Variants in LIN54 observed in about 807,000 individuals in gnomAD.
LIN54 encodes the protein protein lin-54 homolog.
LIN54 carries 9 observed loss-of-function variants against 78.7 expected under a neutral mutation model. The ratio of observed to expected loss-of-function variants is 0.11; its 90% CI spans 0.07 to 0.20. The LOEUF (loss-of-function observed/expected upper bound fraction) is 0.20. Ranked by LOEUF, LIN54 falls within the 10% of genes least tolerant of loss-of-function variation. LIN54 has a pLI of 1.00. For missense variants in LIN54, 573 were observed against 889.9 expected (o/e 0.64, Z 4.53); for synonymous variants, 269 against 318.4 (o/e 0.84, Z 1.65).
intron 4 of LIN54, among the ~76,000 whole-genome samples, chr4:82,961,915 C>T (rs1724829719): frequency 6.6e-6 from 1 of 150,654 alleles, no homozygotes; most frequent in Non-Finnish European, 1.5e-5. Flanking sequence ...AAGATGGCAC[C>T]ACTGCACTCC....
intron 8 of LIN54, 47 bp from the exon 9 acceptor site, chr4:82,937,345 CTA>C (rs763429069): frequency 8.2e-7 from 1 of 1,215,542 alleles, no homozygotes; most frequent in Non-Finnish European, 1.1e-6. Flanking sequence ...TTAATAGTAA[CTA>C]AAATTAATTT....
At chr4:83,004,343 G>A (rs546075252) in intron 1 of LIN54, among the ~76,000 whole-genome samples, 1 of 141,796 alleles carries the variant, frequency 7.1e-6, no homozygotes, top group East Asian at 2.1e-4. Flanking sequence ...AGGTTGCAGT[G>A]AGCCAAGATC....
intron 1 of LIN54, among the ~76,000 whole-genome samples, chr4:82,987,243 A>G (rs112113850): frequency 0.02 from 3,049 of 152,288 alleles, 104 homozygotes; most frequent in African/African-American, 0.069. Flanking sequence ...GTGAGCCAAG[A>G]TCGTGCCACT....
intron 4 of LIN54, among the ~76,000 whole-genome samples, chr4:82,964,994 G>A (rs974344215): frequency 2.0e-5 from 3 of 151,926 alleles, no homozygotes; most frequent in East Asian, 1.9e-4. Flanking sequence ...GTGAGAGTCC[G>A]TCTTCAAGAA....
At chr4:82,936,937 A>G (rs1480561588) in intron 9 of LIN54, among the ~76,000 whole-genome samples, 1 of 152,220 alleles carries the variant, frequency 6.6e-6, no homozygotes, top group African/African-American at 2.4e-5. Context: ...AAAGTCATAA[A>G]TAAGATCAAA....
chr4:82,949,654 C>T (rs755254440), intron 4 of LIN54, among the ~76,000 whole-genome samples: 2 of 151,888 alleles, frequency 1.3e-5, no homozygotes, highest in African/African-American at 2.4e-5. Flanking sequence ...CCCTCAGCTT[C>T]CCAAAGTGCT....
intron 4 of LIN54, among the ~76,000 whole-genome samples, chr4:82,953,884 G>A (rs1313330791): frequency 6.6e-6 from 1 of 152,000 alleles, no homozygotes; most frequent in Admixed American, 6.6e-5. Flanking sequence ...AGGCTGCAGT[G>A]AGCCACGATC....
At chr4:82,938,551 C>A in intron 7 of LIN54, 47 bp from the exon 8 acceptor site, 1 of 1,015,462 alleles carries the variant, frequency 9.8e-7, no homozygotes, top group Non-Finnish European at 1.5e-6. Flanking sequence ...CAAAAATGGA[C>A]AATACTGTCA....
At chr4:82,946,798 T>A (rs1248190255) in intron 4 of LIN54, among the ~76,000 whole-genome samples, 1 of 152,150 alleles carries the variant, frequency 6.6e-6, no homozygotes, top group Non-Finnish European at 1.5e-5. Context: ...AAGAAAAGAA[T>A]TATTTTAAAA....
At chr4:82,954,846 C>T (rs1001605567) in intron 4 of LIN54, among the ~76,000 whole-genome samples, 1 of 152,180 alleles carries the variant, frequency 6.6e-6, no homozygotes, top group Non-Finnish European at 1.5e-5. Flanking sequence ...ACAGACCTTA[C>T]ACCTTTCACA....
intron 1 of LIN54, among the ~76,000 whole-genome samples, chr4:82,987,054 G>A (rs983373403): frequency 6.6e-6 from 1 of 152,272 alleles, no homozygotes; most frequent in Non-Finnish European, 1.5e-5. Context: ...ACTTTGGGAG[G>A]CCGAGGTGGG....
chr4:83,003,720 C>T (rs1729058208), intron 1 of LIN54, among the ~76,000 whole-genome samples: 3 of 151,948 alleles, frequency 2.0e-5, no homozygotes, highest in Admixed American at 2.0e-4. Context: ...GAGACGGGGT[C>T]TCGCCATGTT....
Position 82,949,949 on chromosome 4 carries a change from G to A in LIN54, c.952-3475C>T, listed in dbSNP as rs1458571838. Among the ~76,000 whole-genome samples the A allele has an allele frequency of 4.0e-5, 6 of 150,278 alleles. No individual in the cohort carries two copies. The South Asian group carries it at 1.1e-3, about 26-fold the overall frequency. On this transcript the variant is annotated intron_variant, in intron 4 of 12. Transcript: ENST00000340417. ...CAACCTCTGCCTCCCAGGTTCAAGC[G>A]ATTCTCCTACCTCAGCCTCCCAAGT...
At position 82,928,193 on chromosome 4, in the gene LIN54, C is replaced by T. The variant is rs766007127; in HGVS notation, c.2159G>A (p.Arg720Gln). ...TCGTCCGAATTCCTCAAGTATCATC[C>T]GTTCCGCTGCTGCCTTTGATTTTCC... The part of the protein sequence containing the change: ...KKGKSKAAAE[R>Q]MILEEFGRCL... The change falls in exon 13 of 13, where the codon CGG becomes CAG. Residue 720 changes from arginine (R) to glutamine (Q), a missense_variant. By Grantham distance (43) the Arg-to-Gln change is conservative. Transcript: ENST00000340417. 14 of 1,614,254 alleles carry T rather than the reference C, an allele frequency of 8.7e-6. No homozygotes were observed. Among genetic ancestry groups the T allele is most frequent in the South Asian group, 1.1e-5 (1 of 91,088 alleles).
chr4:82,984,154 C>A lies in LIN54; in HGVS notation c.684+7G>T. The A allele has an allele frequency of 6.4e-7, 1 of 1,556,912 alleles. No individual in the cohort carries two copies. The highest frequency in any genetic ancestry group is 8.7e-7 in the Non-Finnish European group (1 of 1,154,984). On this transcript the variant is annotated splice_region_variant and intron_variant, in intron 2 of 12. Coordinates refer to ENST00000340417, the MANE Select transcript of LIN54 (RefSeq NM_194282.4). ...TTTTAATTAGTAAGCCCCCTTTTTT[C>A]TTTTACCTGTACTGTTTTTAACTGT...
chr4:83,011,244 G>A (rs980322042), upstream of LIN54, among the ~76,000 whole-genome samples: 2 of 152,180 alleles, frequency 1.3e-5, no homozygotes, highest in Non-Finnish European at 2.9e-5. Flanking sequence ...CCCACCCGCA[G>A]AACTACTTTG....
At chr4:82,970,883 T>C (rs533930017) in intron 3 of LIN54, among the ~76,000 whole-genome samples, 2 of 152,314 alleles carry the variant, frequency 1.3e-5, no homozygotes, top group African/African-American at 4.8e-5. Context: ...GAAGGTACAA[T>C]TGAAATCCAC....
chr4:82,945,821 T>C (rs1347265218), intron 5 of LIN54, among the ~76,000 whole-genome samples: 1 of 152,202 alleles, frequency 6.6e-6, no homozygotes, highest in Non-Finnish European at 1.5e-5. Flanking sequence ...GTAGCAATTA[T>C]AGATTCAAAA....
At chr4:82,989,114 G>A (rs936427683) in intron 1 of LIN54, among the ~76,000 whole-genome samples, 3 of 152,002 alleles carry the variant, frequency 2.0e-5, no homozygotes, top group Non-Finnish European at 4.4e-5. Context: ...CGTGAACCCG[G>A]GAGGCGGAGC....
Sources: gnomAD v4.1 joint callset for allele counts (sites outside exome capture counted in the v4.1 genomes callset) on GRCh38, gnomAD v4.1.1 for gene constraint, MANE v1.5 for transcripts, NCBI Gene and HGNC (gene_info 2026-07-23, HGNC 2026-07-21) for gene names.